Variants in JAKMIP3 observed in about 807,000 individuals in gnomAD.
JAKMIP3 encodes the protein Janus kinase and microtubule interacting protein 3.
In JAKMIP3, 58 loss-of-function variants were observed where a neutral mutation model predicts 118.5. That is an observed-to-expected ratio of 0.49 (90% CI 0.40 to 0.61). The LOEUF (loss-of-function observed/expected upper bound fraction) is 0.61, where lower values mean the gene tolerates loss of function less well. JAKMIP3 is among the 20% of genes least tolerant of loss of function. The probability of loss-of-function intolerance (pLI) is 0.00; values close to 1 mark genes in which losing one functional copy is unlikely to be tolerated. For missense variants in JAKMIP3, 950 were observed against 1,109.0 expected, an observed-to-expected ratio of 0.86 and a Z score of 2.04; for synonymous variants, 486 against 451.2, an observed-to-expected ratio of 1.08 and a Z score of -0.98.
intron 1 of JAKMIP3, among the ~76,000 whole-genome samples, chr10:132,077,621 T>C (rs2041034231): frequency 6.6e-6 from 1 of 152,238 alleles, no homozygotes; most frequent in Admixed American, 6.5e-5. Flanking sequence ...GACATTCTCT[T>C]GTGATTTTCT....
chr10:132,173,211 C>T (rs1219682187), intron 23 of JAKMIP3, among the ~76,000 whole-genome samples: 19 of 80,472 alleles, frequency 2.4e-4, no homozygotes, highest in African/African-American at 8.9e-4. Flanking sequence ...CCCCTCCTTC[C>T]CTCTCTCTCT....
At chr10:132,069,223 G>T (rs1000331695) in intron 1 of JAKMIP3, among the ~76,000 whole-genome samples, 3 of 152,152 alleles carry the variant, frequency 2.0e-5, no homozygotes, top group African/African-American at 7.2e-5. Context: ...AGGTCTTCCT[G>T]CCTGAGGAGG....
chr10:132,064,510 TC>T (rs2038553882), upstream of JAKMIP3, among the ~76,000 whole-genome samples: 4 of 152,142 alleles, frequency 2.6e-5, no homozygotes, highest in Admixed American at 2.6e-4. The surrounding 1 kb of genome is among the most constrained non-coding windows in gnomAD (Gnocchi z 4.4). Flanking sequence ...GACCCACCGT[TC>T]CGGGTCTGAA....
intron 23 of JAKMIP3, among the ~76,000 whole-genome samples, chr10:132,174,063 G>A (rs2059914271): frequency 6.6e-6 from 1 of 151,182 alleles, no homozygotes; most frequent in Admixed American, 6.6e-5. Context: ...GTGGTCTCTG[G>A]TGTGTCTGGT....
At chr10:132,133,557 C>G (rs370000537) in intron 4 of JAKMIP3, 30 bp downstream of exon 4, 2 of 1,538,228 alleles carry the variant, frequency 1.3e-6, no homozygotes, top group African/African-American at 1.4e-5. Context: ...ACCGGCCCAC[C>G]CCGTGTCACA....
chr10:132,110,403 C>T (rs2046681043), intron 2 of JAKMIP3, among the ~76,000 whole-genome samples: 1 of 152,262 alleles, frequency 6.6e-6, no homozygotes, highest in Non-Finnish European at 1.5e-5. Flanking sequence ...GCCTTCTGTG[C>T]AGTTTTTGCC....
chr10:132,054,351 C>T (rs771639288), intron 1 of JAKMIP3, among the ~76,000 whole-genome samples: 3 of 151,938 alleles, frequency 2.0e-5, no homozygotes, highest in South Asian at 2.1e-4. Flanking sequence ...AAAAAAAGGG[C>T]GTGTGTAGGA....
At position 132,104,913 on chromosome 10, in the gene JAKMIP3, C is replaced by G; in HGVS notation, c.105C>G (p.Ile35Met). The change falls in exon 2 of 24, where the codon ATC (isoleucine) becomes ATG (methionine). Residue 35 changes from isoleucine (I) to methionine (M), a missense_variant. Transcript: ENST00000684848. ...ATCTTCGAGCCAAGCTCACAGACAT[C>G]CAGATCGAGCTGCAGCAGGAGAAGA... Reference protein sequence around the residue: ...NEDLRAKLTDIQIELQQEKSK... With the variant: ...NEDLRAKLTDMQIELQQEKSK... The G allele has an allele frequency of 6.3e-7, 1 of 1,591,028 alleles. No individual in the cohort carries two copies. Among genetic ancestry groups the G allele is most frequent in the Non-Finnish European group, 8.6e-7 (1 of 1,168,918 alleles).
Position 132,184,832 on chromosome 10 carries a change from G to C in JAKMIP3, c.*3579G>C, listed in dbSNP as rs2061722232. 1 of 152,188 alleles carries C rather than the reference G, an allele frequency of 6.6e-6. No individual in the cohort carries two copies. Among genetic ancestry groups the C allele is most frequent in the African/African-American group, 2.4e-5 (1 of 41,446 alleles). The allele number at this position is 152,188 out of a possible 1,614,324, so 9.4% of individuals were successfully genotyped here. ...TTAGACGATTAAAGTCCCCTCAAAG[G>C]TATTAAAGTTTGAACTGAAAGCCGT... On this transcript the variant is annotated 3_prime_UTR_variant, in exon 24 of 24. Transcript: ENST00000684848.
At chr10:132,167,886 C>A in intron 22 of JAKMIP3, 67 bp from the exon 23 acceptor site, 1 of 1,214,932 alleles carries the variant, frequency 8.2e-7, no homozygotes, top group Admixed American at 2.3e-5. Flanking sequence ...CGCCCCTCGG[C>A]CCTCGCCCCT....
Position 132,182,874 on chromosome 10 carries a change from T to C in JAKMIP3, c.*1621T>C, listed in dbSNP as rs144230968. The stretch of plus-strand genomic sequence containing the variant: ...AAAAGCTAATAGTATCAGACAGATA[T>C]GCTTTTTCTTTGGTGGCTGCAGGAT... On this transcript the variant is annotated 3_prime_UTR_variant, in exon 24 of 24. Coordinates refer to ENST00000684848, the MANE Select transcript of JAKMIP3 (RefSeq NM_001323087.2). 6.6e-5 allele frequency: 10 copies of C among 152,320 alleles called. No individual in the cohort carries two copies. Among genetic ancestry groups the C allele is most frequent in the Non-Finnish European group, 1.3e-4 (9 of 68,026 alleles). 9.4% of individuals were successfully genotyped at this position (152,320 alleles called of 1,614,324 possible).
intron 6 of JAKMIP3, among the ~76,000 whole-genome samples, chr10:132,136,748 C>G (rs1008783738): frequency 2.6e-5 from 4 of 152,198 alleles, no homozygotes; most frequent in Non-Finnish European, 4.4e-5. Context: ...TGAGCGATCC[C>G]CTCCAGCCAT....
chr10:132,140,426 T>A, intron 9 of JAKMIP3, 25 bp from the exon 10 acceptor site: 1 of 1,613,184 alleles, frequency 6.2e-7, no homozygotes, highest in Non-Finnish European at 8.5e-7. Context: ...TGGTTTGAAC[T>A]GACACGTCGC....
intron 19 of JAKMIP3, among the ~76,000 whole-genome samples, chr10:132,162,297 C>T (rs190454040): frequency 1.3e-5 from 2 of 152,226 alleles, no homozygotes; most frequent in African/African-American, 4.8e-5. Flanking sequence ...GCCCACAGTT[C>T]GTGTCACCAC....
At chr10:132,139,402 GTGTGTA>G (rs1368521643) in intron 9 of JAKMIP3, among the ~76,000 whole-genome samples, 1 of 124,862 alleles carries the variant, frequency 8.0e-6, no homozygotes, top group Non-Finnish European at 1.7e-5. Context: ...GAGTATGTGA[GTGTGTA>G]TGTGTGAGTG....
chr10:132,121,599 G>T (rs2048543823), intron 3 of JAKMIP3, among the ~76,000 whole-genome samples: 1 of 152,178 alleles, frequency 6.6e-6, no homozygotes, highest in South Asian at 2.1e-4. Flanking sequence ...TCCCTCGAGA[G>T]CTGTCCCATG....
intron 2 of JAKMIP3, among the ~76,000 whole-genome samples, chr10:132,113,536 A>G (rs1252987275): frequency 6.6e-6 from 1 of 152,242 alleles, no homozygotes; most frequent in Admixed American, 6.5e-5. Context: ...TACGCAGCAG[A>G]CTGCCCTGCA....
intron 3 of JAKMIP3, among the ~76,000 whole-genome samples, chr10:132,126,554 ACT>A (rs2049587697): frequency 2.0e-5 from 2 of 100,082 alleles, no homozygotes; most frequent in Non-Finnish European, 4.2e-5. Context: ...CTCCCAAAGT[ACT>A]GTGATTACAG....
At position 132,126,333 on chromosome 10, in the gene JAKMIP3, C is replaced by T. The variant is rs11146196; in HGVS notation, c.634-6979C>T. Among the ~76,000 whole-genome samples, 597 of 149,610 alleles carry T rather than the reference C, an allele frequency of 4.0e-3. 2 individuals are homozygous for T. The highest frequency in any genetic ancestry group is 0.014 in the African/African-American group (565 of 40,436). ...TTTTTTTTTTTCCTGGACACGGTCT[C>T]GCTCTGTCACCCAGGCTGGAGTGCA... On this transcript the variant is annotated intron_variant, in intron 3 of 23. Transcript: ENST00000684848.
Sources: allele counts gnomAD v4.1 joint callset (sites outside exome capture counted in the v4.1 genomes callset), GRCh38; gene constraint gnomAD v4.1.1; non-coding constraint Gnocchi (gnomAD v3.1); transcripts MANE v1.5; gene names NCBI Gene and HGNC (gene_info 2026-07-23, HGNC 2026-07-21).